The following PRKG1 variants were observed in gnomAD, a reference collection of about 807,000 sequenced individuals.
PRKG1 encodes the protein protein kinase cGMP-dependent 1.
PRKG1 carries 35 observed loss-of-function variants against 88.1 expected under a neutral mutation model. That is an observed-to-expected ratio of 0.40 (90% CI 0.30 to 0.53). The LOEUF is 0.53. PRKG1 is among the 20% of genes least tolerant of loss of function. The pLI is 0.59. For synonymous variants in PRKG1, 303 were observed against 292.5 expected (o/e 1.04, Z -0.37); for missense variants, 540 against 839.8 (o/e 0.64, Z 4.41).
intron 2 of PRKG1, among the ~76,000 whole-genome samples, chr10:51,169,250 T>C (rs1008364843): frequency 3.3e-5 from 5 of 152,160 alleles, no homozygotes; most frequent in Non-Finnish European, 7.4e-5. Context: ...TACATTACTG[T>C]ATACATGGTC....
At chr10:51,375,321 G>GA (rs1842795298) in intron 2 of PRKG1, among the ~76,000 whole-genome samples, 2 of 152,064 alleles carry the variant, frequency 1.3e-5, no homozygotes, top group Admixed American at 1.3e-4. Flanking sequence ...AAAACAGCTA[G>GA]AATAGTGGCT....
intron 3 of PRKG1, among the ~76,000 whole-genome samples, chr10:51,530,071 T>C (rs1297651950): frequency 6.6e-6 from 1 of 152,220 alleles, no homozygotes; most frequent in East Asian, 1.9e-4. Flanking sequence ...CTCTTCCACA[T>C]AATATTGGTA....
At chr10:51,865,444 C>T (rs1371653845) in intron 4 of PRKG1, among the ~76,000 whole-genome samples, 2 of 151,864 alleles carry the variant, frequency 1.3e-5, no homozygotes, top group Non-Finnish European at 2.9e-5. Flanking sequence ...AGGCATTAAG[C>T]ATTATTTTCA....
chr10:51,380,671 A>C (rs552121692), intron 2 of PRKG1, among the ~76,000 whole-genome samples: 1 of 152,150 alleles, frequency 6.6e-6, no homozygotes, highest in South Asian at 2.1e-4. Flanking sequence ...CAGCTTGTGG[A>C]TGTAACAAAT....
chr10:51,889,240 T>G (rs1169279269), intron 4 of PRKG1, among the ~76,000 whole-genome samples: 1 of 122,180 alleles, frequency 8.2e-6, no homozygotes, highest in Non-Finnish European at 1.6e-5. Flanking sequence ...CCCCGGTGTG[T>G]GATGTTCCCC....
At chr10:51,735,877 ATATGTATATTTATT>A (rs1265216168) in intron 3 of PRKG1, among the ~76,000 whole-genome samples, 80 of 115,664 alleles carry the variant, frequency 6.9e-4, no homozygotes, top group African/African-American at 2.9e-3. Flanking sequence ...ATATATATAT[ATATGTATATTTATT>A]TATTTATTTA....
At chr10:51,853,700 T>G (rs1039531552) in intron 4 of PRKG1, among the ~76,000 whole-genome samples, 1 of 152,180 alleles carries the variant, frequency 6.6e-6, no homozygotes, top group African/African-American at 2.4e-5. Context: ...ATTTGGCATT[T>G]TATATCTGTG....
At chr10:51,472,464 C>T (rs1206717036) in intron 3 of PRKG1, among the ~76,000 whole-genome samples, 1 of 151,886 alleles carries the variant, frequency 6.6e-6, no homozygotes, top group African/African-American at 2.4e-5. Context: ...TGATCTATAT[C>T]TCATTCATCC....
At chr10:52,031,925 C>T (rs1845483922) in intron 5 of PRKG1, among the ~76,000 whole-genome samples, 1 of 152,016 alleles carries the variant, frequency 6.6e-6, no homozygotes, top group African/African-American at 2.4e-5. Context: ...AGATGTGAAG[C>T]CCACAAGGGA....
At chr10:51,633,813 C>T (rs947187177) in intron 3 of PRKG1, among the ~76,000 whole-genome samples, 1 of 152,072 alleles carries the variant, frequency 6.6e-6, no homozygotes, top group Non-Finnish European at 1.5e-5. Flanking sequence ...TTTTTTTGGA[C>T]AGCATGTAGA....
chr10:51,623,612 C>T (rs943777914), intron 3 of PRKG1, among the ~76,000 whole-genome samples: 1 of 152,040 alleles, frequency 6.6e-6, no homozygotes, highest in Non-Finnish European at 1.5e-5. Context: ...AATTATAGTT[C>T]TTAAGAAGGA....
chr10:51,848,142 A>G (rs1840451898), intron 4 of PRKG1, among the ~76,000 whole-genome samples: 1 of 152,168 alleles, frequency 6.6e-6, no homozygotes, highest in Admixed American at 6.5e-5. Flanking sequence ...TGGATACACC[A>G]CATGCCTCCT....
intron 3 of PRKG1, among the ~76,000 whole-genome samples, chr10:51,672,216 G>A (rs1036512312): frequency 6.6e-6 from 1 of 151,532 alleles, no homozygotes; most frequent in African/African-American, 2.4e-5. Context: ...CTCTCTTCTT[G>A]GAACACCAAT....
intron 1 of PRKG1, among the ~76,000 whole-genome samples, chr10:51,139,023 C>T (rs1845764738): frequency 6.6e-6 from 1 of 152,084 alleles, no homozygotes; most frequent in Non-Finnish European, 1.5e-5. Flanking sequence ...TCCGTGTAAA[C>T]TTACCACAGT....
At chr10:51,534,649 A>G in intron 3 of PRKG1, among the ~76,000 whole-genome samples, 1 of 137,850 alleles carries the variant, frequency 7.3e-6, no homozygotes, top group South Asian at 2.5e-4. Flanking sequence ...CCTGGGCAAC[A>G]GAGCGAGACT....
At chr10:51,005,564 A>C (rs1488930364) in intron 1 of PRKG1, among the ~76,000 whole-genome samples, 1 of 152,234 alleles carries the variant, frequency 6.6e-6, no homozygotes, top group Non-Finnish European at 1.5e-5. Flanking sequence ...AATAACATAA[A>C]GTGTCTTTTT....
intron 3 of PRKG1, among the ~76,000 whole-genome samples, chr10:51,475,057 A>G (rs945926405): frequency 5.9e-5 from 9 of 152,046 alleles, no homozygotes; most frequent in African/African-American, 1.4e-4. Context: ...GGCCAGGATC[A>G]TGAAGTGCAT....
At chr10:52,117,864 C>A (rs545852137) in intron 7 of PRKG1, among the ~76,000 whole-genome samples, 3 of 151,844 alleles carry the variant, frequency 2.0e-5, no homozygotes, top group Non-Finnish European at 4.4e-5. Context: ...TATACCATGG[C>A]CTTTTCACTT....
chr10:51,085,692 T>C lies in PRKG1; in HGVS notation c.311+10791T>C, dbSNP rs549979113. The stretch of plus-strand genomic sequence containing the variant: ...CTTAATGTAACTTTTTTTTCAGTTC[T>C]GAATGTTAGAGGAAAATCTTTTTAC... On this transcript the variant is annotated intron_variant, in intron 1 of 17. Transcript: ENST00000373980. 3.9e-5 allele frequency among the ~76,000 whole-genome samples: 6 copies of C among 152,232 alleles called. No homozygotes were observed. In the South Asian group the frequency reaches 1.0e-3, roughly 26 times the overall value.
Sources: gnomAD v4.1 joint callset for allele counts (sites outside exome capture counted in the v4.1 genomes callset) on GRCh38, gnomAD v4.1.1 for gene constraint, MANE v1.5 for transcripts, NCBI Gene and HGNC (gene_info 2026-07-23, HGNC 2026-07-21) for gene names.